Variants in DCBLD2 observed in about 807,000 individuals in gnomAD.
DCBLD2 encodes discoidin, CUB and LCCL domain-containing protein 2.
DCBLD2 carries 54 observed loss-of-function variants against 86.8 expected under a neutral mutation model. That is an observed-to-expected ratio of 0.62 (90% CI 0.50 to 0.78). The LOEUF is 0.78. Ranked by LOEUF, DCBLD2 falls within the 30% of genes least tolerant of loss-of-function variation. The pLI is 0.00. For missense variants in DCBLD2, 908 were observed against 954.2 expected (o/e 0.95, Z 0.64); for synonymous variants, 354 against 341.3 (o/e 1.04, Z -0.41).
chr3:98,901,239 G>A lies in DCBLD2; in HGVS notation c.88C>T (p.Leu30Phe). ...GGAGGGAGGGAGCGGGAGAGGGGGA[G>A]CGCGGCCCAGGCGGGGGCGGCGGCC... The part of the protein sequence containing the change: ...AAAAAPAWAA[L>F]PLSRSLPPCS... Residue 30 changes from leucine (L) to phenylalanine (F), a missense_variant, in exon 1 of 16, where the codon CTC (leucine) becomes TTC (phenylalanine). By Grantham distance (22) the Leu-to-Phe change is conservative (BLOSUM62 0). Transcript: ENST00000326840. 1.3e-6 allele frequency: 2 copies of A among 1,534,560 alleles called. No individual in the cohort carries two copies. The highest frequency in any genetic ancestry group is 1.2e-5 in the South Asian group (1 of 83,980).
chr3:98,841,968 G>A (rs895398157), intron 3 of DCBLD2, among the ~76,000 whole-genome samples: 2 of 152,146 alleles, frequency 1.3e-5, no homozygotes, highest in African/African-American at 4.8e-5. Flanking sequence ...GGGAGGCTGA[G>A]GCAGGAGAAT....
intron 1 of DCBLD2, among the ~76,000 whole-genome samples, chr3:98,886,963 G>A (rs1175712074): frequency 6.6e-6 from 1 of 151,788 alleles, no homozygotes. Flanking sequence ...TTAAGTATGT[G>A]CTTGTGATGC....
Position 98,808,056 on chromosome 3 carries a change from T to A in DCBLD2, c.1670+25A>T, listed in dbSNP as rs768371584. 159 of 1,497,202 alleles carry A rather than the reference T, an allele frequency of 1.1e-4. 1 individual carries two copies. Among genetic ancestry groups the A allele is most frequent in the Non-Finnish European group, 2.2e-5 (25 of 1,121,082 alleles). 92.7% of individuals were successfully genotyped at this position (1,497,202 alleles called of 1,614,324 possible). A position where few individuals can be genotyped will look rare whatever the true frequency, so the allele number is the denominator to read the frequency against. ...TACTTCACATTTGGTAGTTTTGGAC[T>A]CAGGTGAACTAGTTATGTACTAACC... On this transcript the variant is annotated intron_variant, in intron 13 of 15. Coordinates refer to ENST00000326840, the MANE Select transcript of DCBLD2 (RefSeq NM_080927.4).
At chr3:98,827,090 G>A (rs182233035) in intron 3 of DCBLD2, among the ~76,000 whole-genome samples, 4 of 152,234 alleles carry the variant, frequency 2.6e-5, no homozygotes, top group Non-Finnish European at 2.9e-5. Context: ...CAAGGCAAGT[G>A]TATAAATTAA....
At position 98,799,712 on chromosome 3, in the gene DCBLD2, T is replaced by G; in HGVS notation, c.1988A>C (p.Tyr663Ser). ...DPYNSPGQEVYHAYAEPLPIT... is the reference protein window; with the variant it reads ...DPYNSPGQEVSHAYAEPLPIT... Reference sequence around the variant, plus strand: ...TGGGAGTGGTTCAGCATAGGCATGATAAACTTCCTGCCCTGGTGAGTTGTA... The same window carrying G: ...TGGGAGTGGTTCAGCATAGGCATGAGAAACTTCCTGCCCTGGTGAGTTGTA... Residue 663 changes from tyrosine to serine, a missense_variant, in exon 16 of 16, where the codon TAT (tyrosine) becomes TCT (serine). By Grantham distance (144) the Tyr-to-Ser change is moderately radical. Transcript: ENST00000326840. 6.2e-7 allele frequency: 1 copy of G among 1,614,044 alleles called. No individual in the cohort carries two copies. The highest frequency in any genetic ancestry group is 1.1e-5 in the South Asian group (1 of 91,088).
At chr3:98,870,735 GAAAAAGAAAGAAAGAAAGAAAGAAAGAA>G (rs1943250890) in intron 2 of DCBLD2, among the ~76,000 whole-genome samples, 1 of 60,186 alleles carries the variant, frequency 1.7e-5, no homozygotes, top group African/African-American at 6.9e-5. Context: ...AGAAAAGAAA[GAAAAAGAAAGAAAGAAAGAAAGAAAGAA>G]AGAAAGAAAG....
chr3:98,836,371 C>G (rs972040967), intron 3 of DCBLD2, among the ~76,000 whole-genome samples: 1 of 147,812 alleles, frequency 6.8e-6, no homozygotes, highest in African/African-American at 2.5e-5. Flanking sequence ...TAACATGGAA[C>G]GTTAGTTCCA....
chr3:98,852,885 T>TACC (rs1942866572), intron 2 of DCBLD2, among the ~76,000 whole-genome samples: 1 of 151,714 alleles, frequency 6.6e-6, no homozygotes, highest in South Asian at 2.1e-4. Flanking sequence ...ACTAGTACAC[T>TACC]TGGAAGAGAA....
At chr3:98,802,517 T>C (rs546720063) in intron 13 of DCBLD2, among the ~76,000 whole-genome samples, 1 of 152,336 alleles carries the variant, frequency 6.6e-6, no homozygotes, top group South Asian at 2.1e-4. Flanking sequence ...CTGCTCACTT[T>C]GATGGTAGTT....
At chr3:98,811,143 TAAGAACAAA>T in intron 12 of DCBLD2, 42 bp downstream of exon 12, 1 of 1,480,806 alleles carries the variant, frequency 6.8e-7, no homozygotes, top group Non-Finnish European at 9.0e-7. Context: ...AAACTTCAGT[TAAGAACAAA>T]ACAATACTAT....
intron 2 of DCBLD2, among the ~76,000 whole-genome samples, chr3:98,879,066 A>G (rs1943417060): frequency 6.6e-6 from 1 of 152,170 alleles, no homozygotes; most frequent in Non-Finnish European, 1.5e-5. Flanking sequence ...CAACAGTGCC[A>G]CTATGTATTA....
At position 98,811,223 on chromosome 3, in the gene DCBLD2, T is replaced by C. The variant is rs1941932638; in HGVS notation, c.1547A>G (p.Asn516Ser). The stretch of plus-strand genomic sequence containing the variant: ...GGTTACATTTGGAGTTACGGTAGTA[T>C]TTCTGATATCAGGACTGGCAGTTGT... ...EQTTASPDIR[N>S]TTVTPNVTKD... The change falls in exon 12 of 16, where the codon AAT becomes AGT. Residue 516 changes from asparagine to serine, a missense_variant. By Grantham distance (46) the Asn-to-Ser change is conservative. Transcript: ENST00000326840. 1.2e-6 allele frequency: 2 copies of C among 1,611,372 alleles called. No individual in the cohort carries two copies. The highest frequency in any genetic ancestry group is 1.3e-5 in the African/African-American group (1 of 74,706).
At chr3:98,825,093 T>C (rs1942191745) in intron 4 of DCBLD2, among the ~76,000 whole-genome samples, 1 of 152,210 alleles carries the variant, frequency 6.6e-6, no homozygotes, top group Admixed American at 6.5e-5. Context: ...AAAATGATAC[T>C]TTCATTTTGC....
chr3:98,864,834 C>T (rs918758255), intron 2 of DCBLD2, among the ~76,000 whole-genome samples: 8 of 152,066 alleles, frequency 5.3e-5, no homozygotes, highest in African/African-American at 1.9e-4. Context: ...GCACACGTAT[C>T]CTAGAACTTA....
chr3:98,800,905 G>A, intron 14 of DCBLD2, 189 bp from the exon 15 acceptor site: 1 of 673,516 alleles, frequency 1.5e-6, no homozygotes, highest in Non-Finnish European at 2.5e-6. Context: ...GCAGTACATG[G>A]TAGAAATCTC....
At chr3:98,890,642 G>A (rs976061369) in intron 1 of DCBLD2, among the ~76,000 whole-genome samples, 1 of 151,958 alleles carries the variant, frequency 6.6e-6, no homozygotes, top group African/African-American at 2.4e-5. Flanking sequence ...TGGCATTGCT[G>A]GCACTTCCTT....
intron 9 of DCBLD2, chr3:98,813,041 C>G (rs1394005901): frequency 1.3e-5 from 2 of 152,094 alleles, no homozygotes; most frequent in African/African-American, 4.8e-5. Context: ...GGTTTTTGTT[C>G]CATGCTGCTA....
intron 3 of DCBLD2, among the ~76,000 whole-genome samples, chr3:98,846,931 C>T (rs1014268032): frequency 6.6e-6 from 1 of 151,908 alleles, no homozygotes; most frequent in Non-Finnish European, 1.5e-5. Flanking sequence ...TGATAAATAA[C>T]AGAGAAAAGC....
At chr3:98,868,187 A>C (rs1943193805) in intron 2 of DCBLD2, among the ~76,000 whole-genome samples, 1 of 152,220 alleles carries the variant, frequency 6.6e-6, no homozygotes, top group East Asian at 1.9e-4. Context: ...CAAAGTAAGC[A>C]GTTTTAAACA....
Sources: gnomAD v4.1 joint callset for allele counts (sites outside exome capture counted in the v4.1 genomes callset) on GRCh38, gnomAD v4.1.1 for gene constraint, MANE v1.5 for transcripts, NCBI Gene and HGNC (gene_info 2026-07-23, HGNC 2026-07-21) for gene names.